The following DIAPH3 variants were observed in gnomAD, a reference collection of about 807,000 sequenced individuals.
The protein encoded by DIAPH3 is diaphanous related formin 3, also known as protein diaphanous homolog 3.
Under a neutral mutation model 144.3 loss-of-function variants are expected in DIAPH3, and 117 were observed. That is an observed-to-expected ratio of 0.81 (90% CI 0.70 to 0.95). The LOEUF is 0.95. DIAPH3 is among the 40% of genes least tolerant of loss of function. The pLI is 0.00. For missense variants in DIAPH3, 1,421 were observed against 1,412.7 expected (o/e 1.01, Z -0.09); for synonymous variants, 519 against 488.9 (o/e 1.06, Z -0.81).
At chr13:59,782,895 T>C (rs2038813236) in intron 25 of DIAPH3, among the ~76,000 whole-genome samples, 1 of 152,100 alleles carries the variant, frequency 6.6e-6, no homozygotes, top group Non-Finnish European at 1.5e-5. Context: ...TCTTGAAGAA[T>C]GTGCAGTGGA....
intron 27 of DIAPH3, among the ~76,000 whole-genome samples, chr13:59,769,683 A>G (rs1291951513): frequency 6.6e-6 from 1 of 151,770 alleles, no homozygotes; most frequent in Non-Finnish European, 1.5e-5. Context: ...CATACTAACT[A>G]TGGGGACCTG....
intron 18 of DIAPH3, among the ~76,000 whole-genome samples, chr13:59,922,056 C>T (rs923857188): frequency 6.6e-6 from 1 of 151,938 alleles, no homozygotes; most frequent in African/African-American, 2.4e-5. Flanking sequence ...TGTGTCACAA[C>T]ACAATAAATA....
chr13:59,908,393 A>AAAAAAAAAAAAAG (rs1555331342), intron 20 of DIAPH3, among the ~76,000 whole-genome samples: 2 of 111,244 alleles, frequency 1.8e-5, no homozygotes, highest in African/African-American at 3.1e-5. Flanking sequence ...AAAAAAAAAA[A>AAAAAAAAAAAAAG]AGTAAGACAT....
At chr13:59,987,005 G>T (rs572386373) in intron 12 of DIAPH3, among the ~76,000 whole-genome samples, 1 of 151,866 alleles carries the variant, frequency 6.6e-6, no homozygotes, top group Non-Finnish European at 1.5e-5. Flanking sequence ...AAATCATGCT[G>T]CTATAAAGAC....
At chr13:60,043,561 C>T (rs1391136284) in intron 4 of DIAPH3, among the ~76,000 whole-genome samples, 2 of 152,190 alleles carry the variant, frequency 1.3e-5, no homozygotes, top group East Asian at 3.9e-4. Flanking sequence ...GAGGCCAGAT[C>T]ATGGAGTGAT....
intron 27 of DIAPH3, among the ~76,000 whole-genome samples, chr13:59,754,080 C>T (rs571568079): frequency 1.4e-4 from 21 of 152,264 alleles, no homozygotes; most frequent in Middle Eastern, 3.4e-3. Context: ...TTGTTCCCAT[C>T]TAATCTGTCA....
At chr13:59,723,419 C>A (rs1273533126) in intron 27 of DIAPH3, among the ~76,000 whole-genome samples, 2 of 152,030 alleles carry the variant, frequency 1.3e-5, no homozygotes, top group East Asian at 3.9e-4. Context: ...AGATGTTATA[C>A]CCCTGGCTAA....
At position 59,774,835 on chromosome 13, in the gene DIAPH3, G is replaced by A. The variant is rs373358939; in HGVS notation, c.3164-12C>T. 35 of 1,609,000 alleles carry A rather than the reference G, an allele frequency of 2.2e-5. No individual in the cohort carries two copies. Among genetic ancestry groups the A allele is most frequent in the Non-Finnish European group, 2.8e-5 (33 of 1,175,466 alleles). On this transcript the variant is annotated splice_polypyrimidine_tract_variant and intron_variant, in intron 25 of 27. Coordinates refer to ENST00000400324, the MANE Select transcript of DIAPH3 (RefSeq NM_001042517.2). ...TGTCTCATCACCCTCTGTGAAAAGA[G>A]ATGCAGGGAATTCCATCAGCCCTCA...
At chr13:59,963,671 A>T (rs2049894092) in intron 17 of DIAPH3, among the ~76,000 whole-genome samples, 1 of 152,042 alleles carries the variant, frequency 6.6e-6, no homozygotes, top group South Asian at 2.1e-4. Context: ...GTAAATGAAT[A>T]GCTAGATTTA....
intron 25 of DIAPH3, among the ~76,000 whole-genome samples, chr13:59,783,733 T>C (rs1450895783): frequency 2.0e-5 from 3 of 152,186 alleles, no homozygotes; most frequent in Non-Finnish European, 4.4e-5. Context: ...AGCACCTATT[T>C]CACAAAATAT....
intron 3 of DIAPH3, 38 bp downstream of exon 3, chr13:60,111,972 T>C: frequency 1.2e-6 from 2 of 1,609,870 alleles, no homozygotes; most frequent in Non-Finnish European, 1.7e-6. Context: ...AGCTAAGGCT[T>C]TTTCCTCAAA....
chr13:59,987,326 G>A (rs1382410371), intron 12 of DIAPH3, among the ~76,000 whole-genome samples: 25 of 151,648 alleles, frequency 1.6e-4, no homozygotes, highest in African/African-American at 6.0e-4. Flanking sequence ...GGACTGTGGT[G>A]GGGTGGGGGG....
At chr13:59,954,505 C>T (rs986201807) in intron 17 of DIAPH3, among the ~76,000 whole-genome samples, 14 of 152,076 alleles carry the variant, frequency 9.2e-5, no homozygotes, top group Non-Finnish European at 1.8e-4. Context: ...TAACGGATAC[C>T]TCAGAGATAC....
At chr13:59,856,589 C>T (rs2043266755) in intron 22 of DIAPH3, among the ~76,000 whole-genome samples, 1 of 152,128 alleles carries the variant, frequency 6.6e-6, no homozygotes, top group Non-Finnish European at 1.5e-5. Flanking sequence ...TCTAAATTTC[C>T]TCTTCTTATA....
At chr13:59,958,147 C>T (rs893221355) in intron 17 of DIAPH3, among the ~76,000 whole-genome samples, 6 of 151,942 alleles carry the variant, frequency 3.9e-5, no homozygotes, top group Non-Finnish European at 8.8e-5. Context: ...AAAATTTTTC[C>T]AATTAAAATA....
chr13:59,854,760 T>G (rs951578909), intron 22 of DIAPH3, among the ~76,000 whole-genome samples: 1 of 152,230 alleles, frequency 6.6e-6, no homozygotes, highest in African/African-American at 2.4e-5. Context: ...TAGGTGACAC[T>G]GACAGAACTG....
intron 27 of DIAPH3, among the ~76,000 whole-genome samples, chr13:59,743,684 T>C (rs184372838): frequency 1.3e-5 from 2 of 152,326 alleles, no homozygotes; most frequent in East Asian, 1.9e-4. Flanking sequence ...CTTTTGATTC[T>C]ATGACAACTG....
At chr13:59,959,988 G>A (rs751943167) in intron 17 of DIAPH3, among the ~76,000 whole-genome samples, 56 of 152,226 alleles carry the variant, frequency 3.7e-4, no homozygotes, top group Non-Finnish European at 6.6e-4. Flanking sequence ...ACCAATTCTA[G>A]GACCACCAAC....
At chr13:59,670,613 T>A (rs534524287) in intron 27 of DIAPH3, among the ~76,000 whole-genome samples, 1 of 150,786 alleles carries the variant, frequency 6.6e-6, no homozygotes, top group Non-Finnish European at 1.5e-5. Context: ...GAGACAGTCT[T>A]GCTCTGTCGC....
Sources: gnomAD v4.1 joint callset for allele counts (sites outside exome capture counted in the v4.1 genomes callset) on GRCh38, gnomAD v4.1.1 for gene constraint, MANE v1.5 for transcripts, NCBI Gene and HGNC (gene_info 2026-07-23, HGNC 2026-07-21) for gene names.